Variants in FERMT3 observed in about 807,000 individuals in gnomAD.
FERMT3 encodes fermitin family homolog 3.
FERMT3 carries 33 observed loss-of-function variants against 80.8 expected under a neutral mutation model. That is an observed-to-expected ratio of 0.41 (90% CI 0.31 to 0.55). FERMT3 has a LOEUF of 0.55. FERMT3 is among the 20% of genes least tolerant of loss of function. The pLI is 0.31. For missense variants in FERMT3, 754 were observed against 908.7 expected (o/e 0.83, Z 2.19); for synonymous variants, 375 against 372.2 (o/e 1.01, Z -0.09).
In FERMT3 at chr11:64,223,341, A is replaced by G. The variant is rs1337201735; in HGVS notation, c.1841A>G (p.Asn614Ser). The G allele has an allele frequency of 1.2e-6, 2 of 1,613,970 alleles. No homozygotes were observed. The highest frequency in any genetic ancestry group is 1.7e-6 in the Non-Finnish European group (2 of 1,180,048). The stretch of plus-strand genomic sequence containing the variant: ...GCCATCGAGTTTGATGAACACATCA[A>G]TGTGGCCTTCAGCTGCGTGTCTGCC... ...QVAIEFDEHI[N>S]VAFSCVSASC... The change falls in exon 15 of 15, where the codon AAT (asparagine) becomes AGT (serine). Residue 614 changes from asparagine (N) to serine (S), a missense_variant. Transcript: ENST00000345728.
intron 6 of FERMT3, among the ~76,000 whole-genome samples, chr11:64,218,667 C>A (rs566296812): frequency 1.3e-5 from 2 of 152,212 alleles, no homozygotes; most frequent in Non-Finnish European, 2.9e-5. Flanking sequence ...TGAGTTTCAG[C>A]GGGATTGTTG....
At chr11:64,207,314 G>C in intron 1 of FERMT3, 37 bp from the exon 2 acceptor site, 1 of 1,613,702 alleles carries the variant, frequency 6.2e-7, no homozygotes, top group Non-Finnish European at 8.5e-7. Flanking sequence ...GGCCTACCAG[G>C]GCCTGCCCAC....
In FERMT3 at chr11:64,219,559, G is replaced by T. The variant is rs199508330; in HGVS notation, c.930G>T (p.Val310=). The T allele has an allele frequency of 5.0e-5, 80 of 1,611,560 alleles. No individual in the cohort carries two copies. The African/African-American group carries it at 7.2e-4, about 14-fold the overall frequency. ...HINKLSQSGE[V]GEPAGTDPGL... ...ACAAGCTGTCCCAGAGCGGGGAGGT[G>T]GGGGAGCCGGCTGGCACAGACCCAG... The change falls in exon 8 of 15, where the codon GTG becomes GTT. Residue 310 remains valine (V), a synonymous_variant. Coordinates refer to ENST00000345728, the MANE Select transcript of FERMT3 (RefSeq NM_031471.6). This position sits in a 1 kb window ranked among gnomAD's most constrained non-coding sequence, Gnocchi z 4.0.
In FERMT3 at chr11:64,223,403, A is replaced by C. The variant is rs1476278087; in HGVS notation, c.1903A>C (p.Ile635Leu). The C allele has an allele frequency of 6.2e-7, 1 of 1,613,820 alleles. No homozygotes were observed. Among genetic ancestry groups the C allele is most frequent in the Admixed American group, 1.7e-5 (1 of 60,024 alleles). Reference protein sequence around the residue: ...RIVHEYIGGYIFLSTRERARG... With the variant: ...RIVHEYIGGYLFLSTRERARG... ...TGTACACGAGTATATCGGGGGCTAC[A>C]TTTTCCTGTCGACGCGGGAGCGGGC... Residue 635 changes from isoleucine (I) to leucine (L), a missense_variant, in exon 15 of 15, where the codon ATT becomes CTT. Transcript: ENST00000345728.
chr11:64,211,404 G>A lies in FERMT3; in HGVS notation c.644G>A (p.Arg215Gln), dbSNP rs542357552. The part of the protein sequence containing the change: ...PDPLLLQRLP[R>Q]PSSLSDKTQL... The stretch of plus-strand genomic sequence containing the variant: ...CCCCTCCTGCTCCAGCGTCTGCCAC[G>A]GCCCAGCTCCCTGTCAGACAAGACC... The change falls in exon 5 of 15, where the codon CGG (arginine) becomes CAG (glutamine). Residue 215 changes from arginine to glutamine, a missense_variant. Coordinates refer to ENST00000345728, the MANE Select transcript of FERMT3 (RefSeq NM_031471.6). This position sits in a 1 kb window ranked among gnomAD's most constrained non-coding sequence, Gnocchi z 4.7. 29 of 1,603,148 alleles carry A rather than the reference G, an allele frequency of 1.8e-5. No individual in the cohort carries two copies. The highest frequency in any genetic ancestry group is 1.5e-4 in the African/African-American group (11 of 74,534).
At chr11:64,220,815 A>C (rs1162716915) in intron 12 of FERMT3, 146 bp downstream of exon 12, 23 of 1,270,932 alleles carry the variant, frequency 1.8e-5, no homozygotes, top group Non-Finnish European at 2.6e-5. Context: ...GCTGGTACCC[A>C]CCCTTTGGGA....
In FERMT3 at chr11:64,210,815, A is replaced by G. The variant is rs1455753749; in HGVS notation, c.365A>G (p.Gln122Arg). The change falls in exon 3 of 15, where the codon CAG becomes CGG. Residue 122 changes from glutamine to arginine, a missense_variant. By Grantham distance (43) the Gln-to-Arg change is conservative. Transcript: ENST00000345728. This position sits in a 1 kb window ranked among gnomAD's most constrained non-coding sequence, Gnocchi z 4.3. ...GCCAGCTTCTCCCAGCCCCTCTTCC[A>G]GGCTGTGGCTGCCATCTGCCGCCTC... Reference protein sequence around the residue: ...LRASFSQPLFQAVAAICRLLS... With the variant: ...LRASFSQPLFRAVAAICRLLS... 7 of 1,613,080 alleles carry G rather than the reference A, an allele frequency of 4.3e-6. No homozygotes were observed. In the African/African-American group the frequency reaches 8.0e-5, roughly 18 times the overall value.
intron 6 of FERMT3, among the ~76,000 whole-genome samples, chr11:64,218,074 G>T (rs1946590895): frequency 1.3e-5 from 2 of 149,460 alleles, no homozygotes; most frequent in African/African-American, 2.5e-5. Context: ...CACGATCTCG[G>T]CTCACTGCAA....
At chr11:64,206,247 A>G (rs939075492), upstream of FERMT3, among the ~76,000 whole-genome samples, 2 of 152,190 alleles carry the variant, frequency 1.3e-5, no homozygotes, top group African/African-American at 4.8e-5. Flanking sequence ...AAAACTGCAA[A>G]ATGGACTTGT....
Position 64,211,601 on chromosome 11 carries a change from C to G in FERMT3, c.684-44C>G. The G allele has an allele frequency of 6.2e-7, 1 of 1,600,524 alleles. No individual in the cohort carries two copies. Among genetic ancestry groups the G allele is most frequent in the Non-Finnish European group, 8.5e-7 (1 of 1,173,622 alleles). ...CCCAGCCCCCCTCCCCACCCCACGG[C>G]CGTACCTGGCGCAGCCCTGACTGCT... is the stretch of plus-strand genomic sequence containing the variant. On this transcript the variant is annotated intron_variant, in intron 5 of 14. Coordinates refer to ENST00000345728, the MANE Select transcript of FERMT3 (RefSeq NM_031471.6). The surrounding 1 kb of genome is among the most constrained non-coding windows in gnomAD (Gnocchi z 4.7).
chr11:64,208,942 G>T (rs755038152), intron 2 of FERMT3, among the ~76,000 whole-genome samples: 1 of 152,212 alleles, frequency 6.6e-6, no homozygotes, highest in African/African-American at 2.4e-5. Flanking sequence ...GCAGCAAGGC[G>T]AAAGGCTGGT....
chr11:64,208,579 G>A (rs746478305), intron 2 of FERMT3, among the ~76,000 whole-genome samples: 4 of 152,248 alleles, frequency 2.6e-5, no homozygotes, highest in Non-Finnish European at 4.4e-5. Flanking sequence ...GCAGCAGCGG[G>A]TGAGACTGAC....
At chr11:64,220,090 CCT>C in intron 10 of FERMT3, 75 bp downstream of exon 10, 2 of 1,592,822 alleles carry the variant, frequency 1.3e-6, no homozygotes, top group Non-Finnish European at 1.7e-6. Context: ...TCTCACCGGC[CCT>C]GTTTCCTCCT....
intron 1 of FERMT3, among the ~76,000 whole-genome samples, 189 bp from the exon 2 acceptor site, chr11:64,207,162 C>T (rs139272601): frequency 1.5e-3 from 235 of 152,302 alleles, no homozygotes; most frequent in African/African-American, 5.4e-3. Flanking sequence ...AGGGCCCTCG[C>T]GGCTCAAGCG....
In FERMT3 at chr11:64,223,816, T is replaced by C; in HGVS notation, c.*324T>C. On this transcript the variant is annotated 3_prime_UTR_variant, in exon 15 of 15. Transcript: ENST00000345728. ...GATGTAGCTACAGGATGATGAAACA[T>C]GGTTTCAAACGAGTTCTTTCTTGTT... The C allele has an allele frequency of 8.4e-7, 1 of 1,194,018 alleles. No individual in the cohort carries two copies. The highest frequency in any genetic ancestry group is 1.4e-5 in the South Asian group (1 of 69,576). 74.0% of individuals were successfully genotyped at this position (1,194,018 alleles called of 1,614,324 possible).
Position 64,211,221 on chromosome 11 carries a change from C to T in FERMT3, c.514+50C>T, listed in dbSNP as rs779949403. ...GGGGGGTTGGGGGCAGGGGCCGGCC[C>T]GTGAGTCCCAGCCCTGGGGGACAGG... On this transcript the variant is annotated intron_variant, in intron 4 of 14. Transcript: ENST00000345728. This position sits in a 1 kb window ranked among gnomAD's most constrained non-coding sequence, Gnocchi z 4.7. The T allele has an allele frequency of 1.9e-5, 31 of 1,605,856 alleles. No individual in the cohort carries two copies. The highest frequency in any genetic ancestry group is 6.7e-5 in the East Asian group (3 of 44,540).
chr11:64,220,126 G>A (rs1457744956), intron 10 of FERMT3, 94 bp from the exon 11 acceptor site: 1 of 1,575,834 alleles, frequency 6.3e-7, no homozygotes, highest in East Asian at 2.2e-5. Context: ...GATGCCCTCT[G>A]TCCTGAGGTG....
chr11:64,217,463 C>T (rs568399351), intron 6 of FERMT3, among the ~76,000 whole-genome samples: 29 of 152,162 alleles, frequency 1.9e-4, no homozygotes, highest in Admixed American at 7.8e-4. Flanking sequence ...GCAGGAGAAT[C>T]GCTTGAACCC....
chr11:64,213,913 C>G (rs1017828558), intron 6 of FERMT3, among the ~76,000 whole-genome samples: 2 of 152,140 alleles, frequency 1.3e-5, no homozygotes, highest in African/African-American at 4.8e-5. Flanking sequence ...ATTTCCACTT[C>G]TTTGTTTTGC....
Sources: gnomAD v4.1 joint callset for allele counts (sites outside exome capture counted in the v4.1 genomes callset) on GRCh38, gnomAD v4.1.1 for gene constraint, Gnocchi (gnomAD v3.1) non-coding constraint, MANE v1.5 for transcripts, NCBI Gene and HGNC (gene_info 2026-07-23, HGNC 2026-07-21) for gene names.